ARHGAP15: variants seen among roughly 807,000 people sequenced by gnomAD.
ARHGAP15 encodes the protein rho GTPase-activating protein 15.
Under a neutral mutation model 63.7 loss-of-function variants are expected in ARHGAP15, and 51 were observed. The ratio of observed to expected loss-of-function variants is 0.80; its 90% CI spans 0.64 to 1.01. The LOEUF (loss-of-function observed/expected upper bound fraction) is 1.01, where lower values mean the gene tolerates loss of function less well. Among genes scored for constraint, ARHGAP15 ranks in the 50% least tolerant of loss-of-function variants. The probability of loss-of-function intolerance (pLI) is 0.00; values close to 1 mark genes in which losing one functional copy is unlikely to be tolerated. For missense variants in ARHGAP15, 560 were observed against 564.6 expected (o/e 0.99, Z 0.08); for synonymous variants, 191 against 193.8 (o/e 0.99, Z 0.12).
chr2:143,348,605 C>A (rs1390313314), intron 6 of ARHGAP15, among the ~76,000 whole-genome samples: 1 of 152,112 alleles, frequency 6.6e-6, no homozygotes, highest in African/African-American at 2.4e-5. Flanking sequence ...TGAAGTCATT[C>A]ACGTTGCTAA....
intron 10 of ARHGAP15, among the ~76,000 whole-genome samples, chr2:143,522,632 GGAA>G (rs932978494): frequency 6.6e-5 from 10 of 152,042 alleles, no homozygotes; most frequent in East Asian, 1.9e-4. Flanking sequence ...GGGTCACATT[GGAA>G]GAAGAAGAAT....
intron 9 of ARHGAP15, among the ~76,000 whole-genome samples, chr2:143,510,584 T>C (rs1693540396): frequency 6.6e-6 from 1 of 152,242 alleles, no homozygotes; most frequent in Non-Finnish European, 1.5e-5. Context: ...TCTCATAAAT[T>C]CATTGAATTC....
intron 6 of ARHGAP15, among the ~76,000 whole-genome samples, chr2:143,435,043 G>T (rs554371804): frequency 6.6e-5 from 10 of 152,126 alleles, no homozygotes; most frequent in Non-Finnish European, 1.2e-4. Context: ...GGGGAAATTG[G>T]TTTTTTTATT....
intron 12 of ARHGAP15, among the ~76,000 whole-genome samples, chr2:143,661,309 C>A (rs957877232): frequency 2.0e-5 from 3 of 152,154 alleles, no homozygotes; most frequent in East Asian, 3.9e-4. Context: ...GGGCCATCAT[C>A]ATTGAAGGTC....
chr2:143,719,107 G>T (rs1173969232), intron 13 of ARHGAP15, among the ~76,000 whole-genome samples: 1 of 152,128 alleles, frequency 6.6e-6, no homozygotes, highest in Non-Finnish European at 1.5e-5. Context: ...CGCTGTAAGG[G>T]GTGGGCAAGA....
At chr2:143,727,551 GC>G (rs1227528953) in intron 13 of ARHGAP15, among the ~76,000 whole-genome samples, 4 of 152,174 alleles carry the variant, frequency 2.6e-5, no homozygotes, top group African/African-American at 7.2e-5. Context: ...CAGCAGCAGA[GC>G]CCAGGGACTC....
chr2:143,478,983 G>C (rs918140399), intron 8 of ARHGAP15, among the ~76,000 whole-genome samples: 11 of 152,282 alleles, frequency 7.2e-5, no homozygotes, highest in South Asian at 2.1e-4. Flanking sequence ...GAGATTTAAA[G>C]AAGAAGCCTC....
At chr2:143,140,219 G>C (rs115654362) in intron 1 of ARHGAP15, among the ~76,000 whole-genome samples, 31 of 152,190 alleles carry the variant, frequency 2.0e-4, no homozygotes, top group African/African-American at 7.0e-4. Context: ...TCTCAATACA[G>C]CTGTGTGGGG....
chr2:143,162,568 T>C (rs535558076), intron 2 of ARHGAP15: 6 of 152,132 alleles, frequency 3.9e-5, no homozygotes, highest in African/African-American at 1.4e-4. Context: ...GAATTACTGA[T>C]GAATCAAAAT....
At chr2:143,216,275 ATGAC>A in intron 3 of ARHGAP15, 105 bp from the exon 4 acceptor site, 1 of 779,850 alleles carries the variant, frequency 1.3e-6, no homozygotes, top group South Asian at 1.8e-5. Context: ...ATAAAGTTCT[ATGAC>A]TGAAAACTTC....
intron 10 of ARHGAP15, among the ~76,000 whole-genome samples, chr2:143,523,556 C>T (rs903176077): frequency 7.2e-5 from 11 of 151,964 alleles, no homozygotes; most frequent in African/African-American, 2.4e-4. Context: ...CCAATAATAC[C>T]AAACATGCAT....
At chr2:143,244,933 AG>A (rs1213170931) in intron 5 of ARHGAP15, among the ~76,000 whole-genome samples, 3 of 152,190 alleles carry the variant, frequency 2.0e-5, no homozygotes, top group Non-Finnish European at 2.9e-5. Context: ...GAAAGAAAGG[AG>A]GGAGTTAAGA....
intron 6 of ARHGAP15, among the ~76,000 whole-genome samples, chr2:143,339,043 AT>A (rs968875363): frequency 7.4e-4 from 112 of 151,944 alleles, no homozygotes; most frequent in Non-Finnish European, 1.1e-3. Flanking sequence ...ATAGCTATCC[AT>A]TTTTTTTCAT....
intron 6 of ARHGAP15, among the ~76,000 whole-genome samples, chr2:143,383,819 G>A (rs910149002): frequency 6.6e-6 from 1 of 152,096 alleles, no homozygotes; most frequent in Non-Finnish European, 1.5e-5. Context: ...AAGGTGTTAC[G>A]CAGTGAAATA....
chr2:143,409,076 C>G (rs73001520), intron 6 of ARHGAP15, among the ~76,000 whole-genome samples: 2 of 151,946 alleles, frequency 1.3e-5, no homozygotes, highest in African/African-American at 4.8e-5. Context: ...ATCTCTGACA[C>G]TTTTTATTTT....
rs552765438 is a variant in ARHGAP15 at position 143,317,726 on chromosome 2, C to T, written c.474+67126C>T. Among the ~76,000 whole-genome samples the T allele has an allele frequency of 4.6e-5, 7 of 152,010 alleles. No individual in the cohort carries two copies. In the South Asian group the frequency reaches 6.2e-4, roughly 14 times the overall value. ...GAGAAGATAGTTATGTGTTCATAAC[C>T]GTGGTTTGGGGGGATTCATGTAAAG... On this transcript the variant is annotated intron_variant, in intron 6 of 13. Transcript: ENST00000295095.
chr2:143,667,582 T>TAAAAAAAAA (rs71338146), intron 12 of ARHGAP15, among the ~76,000 whole-genome samples: 40 of 138,940 alleles, frequency 2.9e-4, no homozygotes, highest in African/African-American at 5.7e-4. Context: ...TAAAAAAAAT[T>TAAAAAAAAA]AAAAAAAAAA....
At chr2:143,428,398 C>T (rs1689224206) in intron 6 of ARHGAP15, among the ~76,000 whole-genome samples, 1 of 151,666 alleles carries the variant, frequency 6.6e-6, no homozygotes, top group Non-Finnish European at 1.5e-5. Flanking sequence ...TGCACTGCAA[C>T]AGCTGTGGGG....
intron 8 of ARHGAP15, among the ~76,000 whole-genome samples, chr2:143,486,582 G>A (rs113823278): frequency 5.2e-4 from 79 of 151,948 alleles, no homozygotes; most frequent in African/African-American, 1.9e-3. Context: ...AAGAGGAGGA[G>A]GAGGAAGAAG....
Sources: allele counts gnomAD v4.1 joint callset (sites outside exome capture counted in the v4.1 genomes callset), GRCh38; gene constraint gnomAD v4.1.1; transcripts MANE v1.5; gene names NCBI Gene and HGNC (gene_info 2026-07-23, HGNC 2026-07-21).